AP1S3: variants seen among roughly 807,000 people sequenced by gnomAD.
The protein encoded by AP1S3 is adaptor related protein complex 1 subunit sigma 3.
Under a neutral mutation model 20.9 loss-of-function variants are expected in AP1S3, and 10 were observed. That is an observed-to-expected ratio of 0.48 (90% CI 0.29 to 0.81). The LOEUF is 0.81. AP1S3 is among the 30% of genes least tolerant of loss of function. AP1S3 has a pLI of 0.08. For synonymous variants in AP1S3, 41 were observed against 61.5 expected (o/e 0.67, Z 1.56); for missense variants, 154 against 183.8 (o/e 0.84, Z 0.94).
intron 4 of AP1S3, among the ~76,000 whole-genome samples, chr2:223,762,268 ATTT>A (rs57119521): frequency 0.016 from 1,730 of 105,114 alleles, 62 homozygotes; most frequent in East Asian, 0.098. Context: ...GTGCCCAGCA[ATTT>A]TTTTTTTTTT....
In AP1S3 at chr2:223,755,938, T is replaced by C. The variant is rs866520355; in HGVS notation, c.*2777A>G. The C allele has an allele frequency of 5.1e-6, 5 of 985,352 alleles. No individual in the cohort carries two copies. The highest frequency in any genetic ancestry group is 1.7e-5 in the African/African-American group (1 of 57,256). 61.0% of individuals were successfully genotyped at this position (985,352 alleles called of 1,614,324 possible). A position where few individuals can be genotyped will look rare whatever the true frequency, so the allele number is the denominator to read the frequency against. ...CCAGAACATGTGTAGTATATTTGAATGAGGTTCAAGAGATACCTTTATCCA... is the reference window on the plus strand; with the variant it reads ...CCAGAACATGTGTAGTATATTTGAACGAGGTTCAAGAGATACCTTTATCCA... On this transcript the variant is annotated 3_prime_UTR_variant, in exon 5 of 5. Coordinates refer to ENST00000396654, the MANE Select transcript of AP1S3 (RefSeq NM_001039569.2).
At chr2:223,787,763 C>A (rs1019248381) in intron 1 of AP1S3, among the ~76,000 whole-genome samples, 5 of 152,142 alleles carry the variant, frequency 3.3e-5, no homozygotes, top group African/African-American at 9.7e-5. Flanking sequence ...CACACACACA[C>A]ACAAACTACA....
At chr2:223,778,111 G>GTTTTT (rs200511089) in intron 1 of AP1S3, among the ~76,000 whole-genome samples, 1 of 149,530 alleles carries the variant, frequency 6.7e-6, no homozygotes, top group African/African-American at 2.5e-5. Context: ...GTTTTTTTTT[G>GTTTTT]TTTTTTTTGT....
chr2:223,776,968 A>G (rs1690797994), intron 2 of AP1S3, among the ~76,000 whole-genome samples: 1 of 152,206 alleles, frequency 6.6e-6, no homozygotes, highest in Admixed American at 6.5e-5. Context: ...TCTCTGTCAT[A>G]CTAACCTCCA....
At chr2:223,765,551 C>A (rs1475188746) in intron 3 of AP1S3, among the ~76,000 whole-genome samples, 1 of 152,108 alleles carries the variant, frequency 6.6e-6, no homozygotes, top group African/African-American at 2.4e-5. Flanking sequence ...TAAAGCAAAG[C>A]ACATCCTTAG....
In AP1S3 at chr2:223,765,159, C is replaced by CCAT. The variant is rs10644138; in HGVS notation, c.429+51_429+53dup. 143,044 of 1,529,558 alleles carry CCAT rather than the reference C, an allele frequency of 0.094. 16,098 individuals are homozygous for CCAT. The highest frequency in any genetic ancestry group is 0.51 in the African/African-American group (36,391 of 71,532). 94.7% of individuals were successfully genotyped at this position (1,529,558 alleles called of 1,614,324 possible). On this transcript the variant is annotated intron_variant, in intron 4 of 4. Coordinates refer to ENST00000396654, the MANE Select transcript of AP1S3 (RefSeq NM_001039569.2). ...CTGGTTAATATTATAATTATTAACACCATCATCATCATCATCATCATCTTT... is the reference window on the plus strand; with the variant it reads ...CTGGTTAATATTATAATTATTAACACCATCATCATCATCATCATCATCATCTTT...
chr2:223,757,655 G>A lies in AP1S3; in HGVS notation c.*1060C>T, dbSNP rs1242815578. On this transcript the variant is annotated 3_prime_UTR_variant, in exon 5 of 5. Coordinates refer to ENST00000396654, the MANE Select transcript of AP1S3 (RefSeq NM_001039569.2). ...CTGGTTATACAGAATTTTCATTCCAGGAAGCACAAATGTGATATACTTACA... is the reference window on the plus strand; with the variant it reads ...CTGGTTATACAGAATTTTCATTCCAAGAAGCACAAATGTGATATACTTACA... The A allele has an allele frequency of 2.0e-6, 2 of 985,152 alleles. No homozygotes were observed. Among genetic ancestry groups the A allele is most frequent in the East Asian group, 2.3e-4 (2 of 8,820 alleles). The allele number at this position is 985,152 out of a possible 1,614,324, so 61.0% of individuals were successfully genotyped here.
At chr2:223,831,859 G>A (rs1427540939) in intron 1 of AP1S3, among the ~76,000 whole-genome samples, 5 of 152,236 alleles carry the variant, frequency 3.3e-5, no homozygotes, top group Admixed American at 2.6e-4. Context: ...GGCAGATCAC[G>A]AGGTCAGGAG....
chr2:223,755,902 T>C lies in AP1S3; in HGVS notation c.*2813A>G, dbSNP rs1574677906. 1.0e-6 allele frequency: 1 copy of C among 985,460 alleles called. No homozygotes were observed. Among genetic ancestry groups the C allele is most frequent in the Non-Finnish European group, 1.2e-6 (1 of 829,934 alleles). The allele number at this position is 985,460 out of a possible 1,614,324, so 61.0% of individuals were successfully genotyped here. A position where few individuals can be genotyped will look rare whatever the true frequency, so the allele number is the denominator to read the frequency against. ...CCCTGTCCATAACTAAAGTGTCTAA[T>C]ATGGAATTATCCAGAACATGTGTAG... On this transcript the variant is annotated 3_prime_UTR_variant, in exon 5 of 5. Transcript: ENST00000396654.
At chr2:223,799,208 G>GACACACAC (rs10527751) in intron 1 of AP1S3, among the ~76,000 whole-genome samples, 3,880 of 145,884 alleles carry the variant, frequency 0.027, 78 homozygotes, top group South Asian at 0.052. Flanking sequence ...TTCGGGCCTA[G>GACACACAC]ACACACACAC....
intron 1 of AP1S3, among the ~76,000 whole-genome samples, chr2:223,802,051 A>C (rs899561238): frequency 6.6e-5 from 10 of 152,194 alleles, no homozygotes; most frequent in African/African-American, 2.2e-4. Flanking sequence ...GTGGGCTCTT[A>C]TCTCTTCCTA....
chr2:223,767,835 C>T (rs1241521754), intron 3 of AP1S3, among the ~76,000 whole-genome samples: 1 of 152,088 alleles, frequency 6.6e-6, no homozygotes, highest in Non-Finnish European at 1.5e-5. Flanking sequence ...AACCAACATA[C>T]TTCCCCTTCC....
In AP1S3 at chr2:223,756,995, T is replaced by C. The variant is rs1425845923; in HGVS notation, c.*1720A>G. The C allele has an allele frequency of 1.0e-6, 1 of 983,658 alleles. No homozygotes were observed. Among genetic ancestry groups the C allele is most frequent in the Non-Finnish European group, 1.2e-6 (1 of 828,774 alleles). The allele number at this position is 983,658 out of a possible 1,614,324, so 60.9% of individuals were successfully genotyped here. Reference sequence around the variant, plus strand: ...TACAAGCTTTTACTTTTTCTTTTTTTTTTTTTTTTTCTTGAGACGCAGTCT... The same window carrying C: ...TACAAGCTTTTACTTTTTCTTTTTTCTTTTTTTTTTCTTGAGACGCAGTCT... On this transcript the variant is annotated 3_prime_UTR_variant, in exon 5 of 5. Transcript: ENST00000396654.
At chr2:223,831,454 C>T (rs1414216004) in intron 1 of AP1S3, among the ~76,000 whole-genome samples, 1 of 152,178 alleles carries the variant, frequency 6.6e-6, no homozygotes, top group Admixed American at 6.5e-5. Flanking sequence ...TTTCCTTAGT[C>T]AGGGTGCTGG....
At chr2:223,795,312 T>A (rs1447450659) in intron 1 of AP1S3, among the ~76,000 whole-genome samples, 2 of 152,176 alleles carry the variant, frequency 1.3e-5, no homozygotes, top group African/African-American at 4.8e-5. Flanking sequence ...TTGTAATGTA[T>A]CCTTAGTATA....
chr2:223,778,060 T>A (rs1690831141), intron 1 of AP1S3, among the ~76,000 whole-genome samples, 191 bp from the exon 2 acceptor site: 1 of 152,188 alleles, frequency 6.6e-6, no homozygotes, highest in Non-Finnish European at 1.5e-5. Context: ...GAAATGTGTA[T>A]ACCACAAATA....
At chr2:223,826,093 G>A (rs1327199374) in intron 1 of AP1S3, among the ~76,000 whole-genome samples, 1 of 152,198 alleles carries the variant, frequency 6.6e-6, no homozygotes, top group African/African-American at 2.4e-5. Context: ...TTCCCTGACA[G>A]AGTAATCAAC....
chr2:223,835,138 T>A (rs1165402476), intron 1 of AP1S3, among the ~76,000 whole-genome samples: 1 of 152,234 alleles, frequency 6.6e-6, no homozygotes, highest in Non-Finnish European at 1.5e-5. Flanking sequence ...TTTCAGAACC[T>A]CTGCCTTATG....
At chr2:223,758,878 T>C (rs1690285984) in intron 4 of AP1S3, 128 bp from the exon 5 acceptor site, 7 of 760,194 alleles carry the variant, frequency 9.2e-6, no homozygotes, top group Non-Finnish European at 1.4e-5. Flanking sequence ...GATACATGGA[T>C]ATAAAATCTT....
Sources: gnomAD v4.1 joint callset for allele counts (sites outside exome capture counted in the v4.1 genomes callset) on GRCh38, gnomAD v4.1.1 for gene constraint, MANE v1.5 for transcripts, NCBI Gene and HGNC (gene_info 2026-07-23, HGNC 2026-07-21) for gene names.